Variants in ZNF585B observed in about 807,000 individuals in gnomAD.
ZNF585B encodes the protein zinc finger protein 585B.
In ZNF585B, 7 loss-of-function variants were observed where a neutral mutation model predicts 14.0. The ratio of observed to expected loss-of-function variants is 0.50; its 90% CI spans 0.28 to 0.94. ZNF585B has a LOEUF of 0.94. ZNF585B is among the 40% of genes least tolerant of loss of function. The pLI is 0.09. For synonymous variants in ZNF585B, 290 were observed against 317.3 expected (o/e 0.91, Z 0.91); for missense variants, 750 against 924.4 (o/e 0.81, Z 2.45).
intron 4 of ZNF585B, 154 bp downstream of exon 4, chr19:37,189,507 G>T: frequency 1.4e-6 from 1 of 715,942 alleles, no homozygotes; most frequent in Non-Finnish European, 2.3e-6. Flanking sequence ...AAGGCATTTA[G>T]TGATCTGAGA....
chr19:37,189,580 G>A (rs1361662461), intron 4 of ZNF585B, 81 bp downstream of exon 4: 2 of 1,522,932 alleles, frequency 1.3e-6, no homozygotes, highest in African/African-American at 2.7e-5. Context: ...GCACTTCACA[G>A]GTTCCAGTGT....
intron 1 of ZNF585B, among the ~76,000 whole-genome samples, chr19:37,209,224 C>A (rs936834125): frequency 6.6e-6 from 1 of 152,060 alleles, no homozygotes; most frequent in African/African-American, 2.4e-5. Context: ...TCTGCCTCAG[C>A]CTCCCGAGTA....
chr19:37,187,980 A>C (rs1400050397), intron 4 of ZNF585B, among the ~76,000 whole-genome samples: 1 of 152,192 alleles, frequency 6.6e-6, no homozygotes, highest in African/African-American at 2.4e-5. Flanking sequence ...TAAATTTTAC[A>C]ACATGCACGA....
chr19:37,209,122 G>C (rs1242580450), intron 1 of ZNF585B, among the ~76,000 whole-genome samples: 1 of 151,468 alleles, frequency 6.6e-6, no homozygotes, highest in Non-Finnish European at 1.5e-5. Flanking sequence ...TTATTTTTTT[G>C]AGATGGAGTT....
intron 3 of ZNF585B, 44 bp downstream of exon 3, chr19:37,189,980 T>G: frequency 6.2e-7 from 1 of 1,607,600 alleles, no homozygotes; most frequent in Non-Finnish European, 8.5e-7. Flanking sequence ...ATGAAAACAC[T>G]CTCAGTGAGG....
At chr19:37,198,257 C>T (rs1389395367) in intron 2 of ZNF585B, among the ~76,000 whole-genome samples, 15 of 151,942 alleles carry the variant, frequency 9.9e-5, no homozygotes, top group African/African-American at 2.7e-4. Flanking sequence ...CTGCAACCTC[C>T]GCCTCCCGTG....
At chr19:37,190,582 T>C (rs956460867) in intron 2 of ZNF585B, 24 of 160,078 alleles carry the variant, frequency 1.5e-4, no homozygotes, top group Admixed American at 1.3e-3. Flanking sequence ...TTTTTTTCCT[T>C]GAGATGGAAT....
In ZNF585B at chr19:37,186,943, T is replaced by C. The variant is rs759542561; in HGVS notation, c.594A>G (p.Val198=). The part of the protein sequence containing the change: ...CNECGKSFFQ[V]SSLFRHHRIH... ...TTCTGTGATGCCTGAAAAGAGACGA[T>C]ACTTGAAAAAAGGATTTTCCACATT... Residue 198 remains valine (V), a synonymous_variant, in exon 5 of 5, where the codon GTA becomes GTG. Coordinates refer to ENST00000532828, the MANE Select transcript of ZNF585B (RefSeq NM_152279.4). 1.5e-5 allele frequency: 25 copies of C among 1,613,968 alleles called. No homozygotes were observed. Among genetic ancestry groups the C allele is most frequent in the Non-Finnish European group, 1.9e-5 (22 of 1,180,002 alleles).
chr19:37,186,552 T>A lies in ZNF585B; in HGVS notation c.985A>T (p.Thr329Ser). ...VHTRVKPYIC[T>S]EYGKVFSNNS... ...TTGCTGAAGACCTTCCCATATTCGGTACATATATAGGGCTTCACTCTTGTG... is the reference window on the plus strand; with the variant it reads ...TTGCTGAAGACCTTCCCATATTCGGAACATATATAGGGCTTCACTCTTGTG... Residue 329 changes from threonine (T) to serine (S), a missense_variant, in exon 5 of 5, where the codon ACC becomes TCC. This residue lies in a region of ZNF585B where 517 missense variants were observed against 570.3 expected (regional missense o/e 0.91). Transcript: ENST00000532828. The A allele has an allele frequency of 2.5e-6, 4 of 1,614,216 alleles. No individual in the cohort carries two copies. The highest frequency in any genetic ancestry group is 3.4e-6 in the Non-Finnish European group (4 of 1,180,042).
At chr19:37,187,551 G>A (rs1433841634) in intron 4 of ZNF585B, among the ~76,000 whole-genome samples, 1 of 152,032 alleles carries the variant, frequency 6.6e-6, no homozygotes, top group Non-Finnish European at 1.5e-5. Flanking sequence ...TTATCAGTCT[G>A]TCACTGTTAT....
At chr19:37,199,008 C>T in intron 2 of ZNF585B, 2 of 1,531,018 alleles carry the variant, frequency 1.3e-6, no homozygotes, top group Non-Finnish European at 1.7e-6. Flanking sequence ...ATTGATTGTG[C>T]TTATAGGGCT....
chr19:37,201,431 GA>G (rs976156709), intron 2 of ZNF585B, among the ~76,000 whole-genome samples: 5 of 152,034 alleles, frequency 3.3e-5, no homozygotes, highest in African/African-American at 1.2e-4. Flanking sequence ...TGATAAAGTA[GA>G]AAAAAATCAT....
At chr19:37,190,441 T>G (rs1404828459) in intron 2 of ZNF585B, 2 of 250,076 alleles carry the variant, frequency 8.0e-6, no homozygotes, top group African/African-American at 4.5e-5. Context: ...AGACGGGGTT[T>G]CACCATGTTG....
intron 4 of ZNF585B, among the ~76,000 whole-genome samples, chr19:37,187,637 T>C (rs912273638): frequency 5.3e-5 from 8 of 152,168 alleles, no homozygotes; most frequent in African/African-American, 1.7e-4. Flanking sequence ...CTTTTTTTTT[T>C]CCAGAGATTC....
chr19:37,186,255 G>A lies in ZNF585B; in HGVS notation c.1282C>T (p.His428Tyr). Residue 428 changes from histidine (H) to tyrosine (Y), a missense_variant, in exon 5 of 5, where the codon CAT (histidine) becomes TAT (tyrosine). By Grantham distance (83) the His-to-Tyr change is moderately conservative. This residue lies in a region of ZNF585B where 517 missense variants were observed against 570.3 expected (regional missense o/e 0.91). Transcript: ENST00000532828. ...TTCTCTCCAGTATGAATTATTTGATGTGTAATCAAGTGTGCCTTCCGGATG... is the reference window on the plus strand; with the variant it reads ...TTCTCTCCAGTATGAATTATTTGATATGTAATCAAGTGTGCCTTCCGGATG... ...AFIRKAHLIT[H>Y]QIIHTGEKPY... 1.9e-6 allele frequency: 3 copies of A among 1,614,168 alleles called. No homozygotes were observed. Among genetic ancestry groups the A allele is most frequent in the Non-Finnish European group, 1.7e-6 (2 of 1,180,014 alleles).
Position 37,185,634 on chromosome 19 carries a change from C to A in ZNF585B, c.1903G>T (p.Val635Leu). 1 of 1,614,002 alleles carries A rather than the reference C, an allele frequency of 6.2e-7. No homozygotes were observed. The highest frequency in any genetic ancestry group is 8.5e-7 in the Non-Finnish European group (1 of 1,179,976). The change falls in exon 5 of 5, where the codon GTG becomes TTG. Residue 635 changes from valine (V) to leucine (L), a missense_variant. Val to Leu is a conservative substitution (Grantham distance 32, BLOSUM62 1). Around this residue, in one of 2 missense-constraint regions of ZNF585B, gnomAD observed 233 missense variants for 354.1 expected, o/e 0.66. Transcript: ENST00000532828. The stretch of plus-strand genomic sequence containing the variant: ...AAGGCTTTCCCACACTCGGCACACA[C>A]ATAGGGTTTCTCTCCTGTGTGAACT... ...QPVHTGEKPYVCAECGKAFSG... is the reference protein window; with the variant it reads ...QPVHTGEKPYLCAECGKAFSG...
intron 2 of ZNF585B, among the ~76,000 whole-genome samples, chr19:37,198,031 TA>T (rs891191968): frequency 1.3e-5 from 2 of 150,978 alleles, no homozygotes; most frequent in African/African-American, 4.9e-5. Flanking sequence ...GCTGAGGAAA[TA>T]AAAAAAAATG....
chr19:37,203,057 T>A (rs940942517), intron 2 of ZNF585B, among the ~76,000 whole-genome samples: 23 of 152,228 alleles, frequency 1.5e-4, no homozygotes, highest in Admixed American at 1.2e-3. Context: ...TCACTCTTTT[T>A]TCTTGATCAT....
chr19:37,208,513 G>T (rs926273236), intron 1 of ZNF585B, among the ~76,000 whole-genome samples: 1 of 151,332 alleles, frequency 6.6e-6, no homozygotes, highest in Non-Finnish European at 1.5e-5. Context: ...TCGACATAAA[G>T]ATATATAAGA....
Sources: gnomAD v4.1 joint callset for allele counts (sites outside exome capture counted in the v4.1 genomes callset) on GRCh38, gnomAD v4.1.1 for gene constraint, gnomAD v4.1.1 regional missense constraint, MANE v1.5 for transcripts, NCBI Gene and HGNC (gene_info 2026-07-23, HGNC 2026-07-21) for gene names.